Variants in CNTNAP2 observed in about 807,000 individuals in gnomAD.
CNTNAP2 encodes the protein contactin-associated protein-like 2.
Under a neutral mutation model 155.2 loss-of-function variants are expected in CNTNAP2, and 98 were observed. That is an observed-to-expected ratio of 0.63 (90% CI 0.54 to 0.75). The LOEUF (loss-of-function observed/expected upper bound fraction) is 0.75. CNTNAP2 is among the 30% of genes least tolerant of loss of function. The pLI, the probability that CNTNAP2 is intolerant of heterozygous loss-of-function variation, is 0.00. For synonymous variants in CNTNAP2, 651 were observed against 631.2 expected (o/e 1.03, Z -0.47); for missense variants, 1,727 against 1,688.1 (o/e 1.02, Z -0.40).
intron 11 of CNTNAP2, among the ~76,000 whole-genome samples, chr7:147,513,943 C>T (rs1396236625): frequency 6.6e-6 from 1 of 152,178 alleles, no homozygotes; most frequent in Non-Finnish European, 1.5e-5. Flanking sequence ...CCCTCCTTCC[C>T]CTCATCTGAA....
At chr7:147,147,080 C>T (rs529585770) in intron 8 of CNTNAP2, among the ~76,000 whole-genome samples, 9 of 152,106 alleles carry the variant, frequency 5.9e-5, no homozygotes, top group South Asian at 2.1e-4. Context: ...GGGGAGGCCT[C>T]GGGAAACTTA....
At chr7:146,174,250 A>G (rs995808421) in intron 1 of CNTNAP2, among the ~76,000 whole-genome samples, 1 of 151,994 alleles carries the variant, frequency 6.6e-6, no homozygotes, top group African/African-American at 2.4e-5. Flanking sequence ...ACATAACAAC[A>G]GAATACCGAA....
At chr7:147,837,764 G>T (rs111970523) in intron 13 of CNTNAP2, among the ~76,000 whole-genome samples, 1 of 152,314 alleles carries the variant, frequency 6.6e-6, no homozygotes, top group African/African-American at 2.4e-5. Context: ...CAGCAGGGCT[G>T]TCAAATCTTA....
At chr7:146,385,147 T>G (rs1169375136) in intron 1 of CNTNAP2, among the ~76,000 whole-genome samples, 3 of 152,172 alleles carry the variant, frequency 2.0e-5, no homozygotes, top group African/African-American at 7.2e-5. Context: ...ATATTCCATT[T>G]TTTTTTCTAC....
At chr7:146,229,859 G>T (rs1799356043) in intron 1 of CNTNAP2, among the ~76,000 whole-genome samples, 1 of 151,982 alleles carries the variant, frequency 6.6e-6, no homozygotes, top group African/African-American at 2.4e-5. Flanking sequence ...CATCTTTGCT[G>T]CCATCCTTCA....
chr7:147,121,221 A>T, intron 6 of CNTNAP2, 58 bp downstream of exon 6: 1 of 1,519,938 alleles, frequency 6.6e-7, no homozygotes, highest in Non-Finnish European at 9.1e-7. Context: ...TCACTCTCCT[A>T]CTGTATTGTA....
intron 14 of CNTNAP2, among the ~76,000 whole-genome samples, chr7:147,938,753 C>A (rs1800662292): frequency 6.6e-6 from 1 of 151,984 alleles, no homozygotes; most frequent in Non-Finnish European, 1.5e-5. Context: ...GCTCAAATTC[C>A]AGGGCTGTAT....
intron 2 of CNTNAP2, among the ~76,000 whole-genome samples, chr7:146,811,764 A>G (rs1803070515): frequency 6.6e-6 from 1 of 152,112 alleles, no homozygotes; most frequent in Non-Finnish European, 1.5e-5. Context: ...AGTGGGAGGT[A>G]ATTCAATTTT....
intron 12 of CNTNAP2, among the ~76,000 whole-genome samples, chr7:147,587,160 A>G (rs773811495): frequency 6.6e-6 from 1 of 152,184 alleles, no homozygotes; most frequent in Non-Finnish European, 1.5e-5. Context: ...CTACCTCTTC[A>G]TTAGGTGTTG....
chr7:148,338,337 C>A (rs1319420219), intron 21 of CNTNAP2, among the ~76,000 whole-genome samples: 1 of 152,094 alleles, frequency 6.6e-6, no homozygotes, highest in Non-Finnish European at 1.5e-5. Flanking sequence ...TTTTGCAGAA[C>A]CTGTGTCTAT....
At chr7:147,532,730 T>G (rs1799464286) in intron 11 of CNTNAP2, among the ~76,000 whole-genome samples, 1 of 152,200 alleles carries the variant, frequency 6.6e-6, no homozygotes, top group Non-Finnish European at 1.5e-5. Flanking sequence ...TGAAAGACAC[T>G]TCTTACGTGG....
chr7:146,802,234 C>T (rs1348675520), intron 2 of CNTNAP2, among the ~76,000 whole-genome samples: 1 of 152,122 alleles, frequency 6.6e-6, no homozygotes, highest in Non-Finnish European at 1.5e-5. Context: ...GCTCTGGAAA[C>T]AGTCTCCTTT....
chr7:146,917,293 G>C (rs537240196), intron 3 of CNTNAP2, among the ~76,000 whole-genome samples: 11 of 152,106 alleles, frequency 7.2e-5, no homozygotes, highest in African/African-American at 1.2e-4. Flanking sequence ...GCAGTTGTTG[G>C]TTAGAATGTT....
At chr7:147,285,471 C>A (rs897344658) in intron 8 of CNTNAP2, among the ~76,000 whole-genome samples, 1 of 151,928 alleles carries the variant, frequency 6.6e-6, no homozygotes, top group African/African-American at 2.4e-5. Context: ...AATTACATTT[C>A]TGACAATTTT....
Position 146,167,489 on chromosome 7 carries a change from T to C in CNTNAP2, c.97+50516T>C, listed in dbSNP as rs1798328861. On this transcript the variant is annotated intron_variant, in intron 1 of 23. Transcript: ENST00000361727. The stretch of plus-strand genomic sequence containing the variant: ...GGCTCAGGTGAGAAATATTATAGGA[T>C]TGATATGTAGCAGAAAGGATGAAGA... Among the ~76,000 whole-genome samples, 6 of 152,272 alleles carry C rather than the reference T, an allele frequency of 3.9e-5. No homozygotes were observed. In the South Asian group the frequency reaches 1.2e-3, roughly 32 times the overall value.
chr7:147,324,100 G>T (rs1795407554), intron 9 of CNTNAP2, among the ~76,000 whole-genome samples: 1 of 152,018 alleles, frequency 6.6e-6, no homozygotes, highest in Admixed American at 6.6e-5. Flanking sequence ...TAAGAGGCCA[G>T]AGAAAGTATC....
chr7:147,056,972 A>AT (rs367768101), intron 4 of CNTNAP2, among the ~76,000 whole-genome samples: 2,746 of 144,268 alleles, frequency 0.019, 72 homozygotes, highest in African/African-American at 0.066. Context: ...AGATGGGGTT[A>AT]TTTTTTTTTT....
intron 1 of CNTNAP2, among the ~76,000 whole-genome samples, chr7:146,528,812 AAGAG>A (rs895981239): frequency 1.3e-5 from 2 of 152,146 alleles, no homozygotes; most frequent in African/African-American, 4.8e-5. Flanking sequence ...AGATTAAAAA[AAGAG>A]AGAGAGACAG....
At chr7:147,259,695 A>G (rs761802244) in intron 8 of CNTNAP2, among the ~76,000 whole-genome samples, 63 of 152,220 alleles carry the variant, frequency 4.1e-4, no homozygotes, top group Non-Finnish European at 7.9e-4. Flanking sequence ...AGACAAGAGC[A>G]TCGTCTTAAA....
Sources: gnomAD v4.1 joint callset for allele counts (sites outside exome capture counted in the v4.1 genomes callset) on GRCh38, gnomAD v4.1.1 for gene constraint, MANE v1.5 for transcripts, NCBI Gene and HGNC (gene_info 2026-07-23, HGNC 2026-07-21) for gene names.